ATP8A2: variants seen among roughly 807,000 people sequenced by gnomAD.
ATP8A2 encodes phospholipid-transporting ATPase IB.
Under a neutral mutation model 165.6 loss-of-function variants are expected in ATP8A2, and 100 were observed. The observed-to-expected ratio is 0.60, with a 90% CI of 0.51 to 0.71. ATP8A2 has a LOEUF of 0.71. Ranked by LOEUF, ATP8A2 falls within the 30% of genes least tolerant of loss-of-function variation. The pLI, the probability that ATP8A2 is intolerant of heterozygous loss-of-function variation, is 0.00. For synonymous variants in ATP8A2, 543 were observed against 548.8 expected, an observed-to-expected ratio of 0.99 and a Z score of 0.15; for missense variants, 1,227 against 1,479.5, an observed-to-expected ratio of 0.83 and a Z score of 2.80.
intron 28 of ATP8A2, among the ~76,000 whole-genome samples, chr13:25,830,991 C>T (rs1951449023): frequency 1.3e-5 from 2 of 151,998 alleles, no homozygotes; most frequent in South Asian, 4.2e-4. Flanking sequence ...CCAATAATGC[C>T]CTATTTAGCA....
At chr13:25,749,182 A>T (rs559520327) in intron 25 of ATP8A2, among the ~76,000 whole-genome samples, 1 of 152,180 alleles carries the variant, frequency 6.6e-6, no homozygotes, top group Non-Finnish European at 1.5e-5. Flanking sequence ...TTTGGGAGGC[A>T]CTGCAGACGC....
chr13:25,990,573 G>A (rs1956370689), intron 35 of ATP8A2, among the ~76,000 whole-genome samples: 2 of 152,312 alleles, frequency 1.3e-5, no homozygotes, highest in East Asian at 1.9e-4. Flanking sequence ...GTGGCCAGCT[G>A]GGGCAGAGGG....
intron 2 of ATP8A2, among the ~76,000 whole-genome samples, chr13:25,485,114 T>C (rs2036311496): frequency 6.6e-6 from 1 of 152,248 alleles, no homozygotes; most frequent in African/African-American, 2.4e-5. Context: ...AACTGAATAA[T>C]TTCACATAAT....
In ATP8A2 at chr13:26,021,860, T is replaced by C. The variant is rs557459365; in HGVS notation, c.*1875T>C. On this transcript the variant is annotated 3_prime_UTR_variant, in exon 37 of 37. Transcript: ENST00000381655. Reference sequence around the variant, plus strand: ...TGTGCTAAATTAGGAAATAACACTTTAGTGCACTTTGCTTCCTAACCCTTT... The same window carrying C: ...TGTGCTAAATTAGGAAATAACACTTCAGTGCACTTTGCTTCCTAACCCTTT... 5.9e-5 allele frequency: 9 copies of C among 152,324 alleles called. No individual in the cohort carries two copies. The highest frequency in any genetic ancestry group is 1.7e-4 in the African/African-American group (7 of 41,580). The allele number at this position is 152,324 out of a possible 1,614,324, so 9.4% of individuals were successfully genotyped here.
chr13:25,721,121 C>CATTATT (rs1238309360), intron 25 of ATP8A2, among the ~76,000 whole-genome samples: 1 of 150,964 alleles, frequency 6.6e-6, no homozygotes, highest in African/African-American at 2.4e-5. Context: ...ACAAATGGCT[C>CATTATT]ATTATTATTA....
intron 24 of ATP8A2, 105 bp downstream of exon 24, chr13:25,589,804 A>G (rs2040021408): frequency 4.3e-6 from 3 of 690,248 alleles, no homozygotes; most frequent in Non-Finnish European, 7.5e-6. Context: ...AAAAACAGTT[A>G]TGAAAAAACT....
At position 26,012,554 on chromosome 13, in the gene ATP8A2, T is replaced by C; in HGVS notation, c.3401T>C (p.Ile1134Thr). 1 of 1,539,036 alleles carries C rather than the reference T, an allele frequency of 6.5e-7. No homozygotes were observed. The highest frequency in any genetic ancestry group is 8.8e-7 in the Non-Finnish European group (1 of 1,141,804). ...GKRLNERDRL[I>T]KRLGRKTPPT... ...AGGCTGAACGAGCGCGACCGCCTGA[T>C]CAAGAGGCTGGGCCGGAAGACGCCC... is the stretch of plus-strand genomic sequence containing the variant. Residue 1134 changes from isoleucine to threonine, a missense_variant, in exon 36 of 37, where the codon ATC becomes ACC. By Grantham distance (89) the Ile-to-Thr change is moderately conservative. Transcript: ENST00000381655.
intron 27 of ATP8A2, among the ~76,000 whole-genome samples, chr13:25,777,926 G>C (rs2044778427): frequency 6.6e-6 from 1 of 152,200 alleles, no homozygotes; most frequent in Non-Finnish European, 1.5e-5. Context: ...CGTATTATCT[G>C]TCCTGACCTT....
At chr13:25,882,509 A>G (rs1308339968) in intron 33 of ATP8A2, among the ~76,000 whole-genome samples, 1 of 152,200 alleles carries the variant, frequency 6.6e-6, no homozygotes, top group African/African-American at 2.4e-5. Context: ...GGAAAGAGAA[A>G]ATTGAATTAT....
chr13:25,373,472 T>C (rs2032500056), intron 1 of ATP8A2, among the ~76,000 whole-genome samples: 1 of 152,140 alleles, frequency 6.6e-6, no homozygotes, highest in South Asian at 2.1e-4. Context: ...GGAAGAGCTG[T>C]GGCAGAGAGA....
rs73475527 is a variant in ATP8A2, at chr13:25,497,401, A to C, written c.221+28280A>C. Among the ~76,000 whole-genome samples the C allele has an allele frequency of 3.2e-3, 485 of 152,352 alleles. 4 individuals are homozygous for C. The highest frequency in any genetic ancestry group is 0.011 in the African/African-American group (459 of 41,582). ...AATTACTGACGATTAAGGGAAATCA[A>C]AAGTTTAATAGCTGAATGAAAATTG... On this transcript the variant is annotated intron_variant, in intron 2 of 36. Coordinates refer to ENST00000381655, the MANE Select transcript of ATP8A2 (RefSeq NM_016529.6).
chr13:25,927,012 C>T (rs563621495), intron 33 of ATP8A2: 1 of 403,242 alleles, frequency 2.5e-6, no homozygotes, highest in South Asian at 1.8e-5. Context: ...GCTGTGCCTC[C>T]CGCTCCTTCT....
At chr13:25,598,029 CTG>C (rs1565966093) in intron 24 of ATP8A2, among the ~76,000 whole-genome samples, 2 of 151,844 alleles carry the variant, frequency 1.3e-5, no homozygotes, top group African/African-American at 2.4e-5. Context: ...AAGTTTAAGT[CTG>C]TGATCCATTA....
At chr13:25,850,451 A>G (rs1273202507) in intron 30 of ATP8A2, among the ~76,000 whole-genome samples, 1 of 145,004 alleles carries the variant, frequency 6.9e-6, no homozygotes, top group African/African-American at 2.6e-5. Flanking sequence ...TTTGCCTGAA[A>G]TGTTCTTCCC....
chr13:25,465,494 A>G (rs1285884062), intron 1 of ATP8A2, among the ~76,000 whole-genome samples: 4 of 151,106 alleles, frequency 2.6e-5, no homozygotes, highest in African/African-American at 9.7e-5. Flanking sequence ...TTTCACTCCA[A>G]TATTTGTTAT....
chr13:25,392,517 A>G (rs984680825), intron 1 of ATP8A2, among the ~76,000 whole-genome samples: 2 of 152,226 alleles, frequency 1.3e-5, no homozygotes, highest in Non-Finnish European at 2.9e-5. Context: ...CACACAGTCT[A>G]AGGTGGAATG....
rs369227728 is a variant in ATP8A2 at position 25,551,333 on chromosome 13, T to G, written c.892-5T>G. On this transcript the variant is annotated splice_region_variant and splice_polypyrimidine_tract_variant and intron_variant, in intron 10 of 36. Coordinates refer to ENST00000381655, the MANE Select transcript of ATP8A2 (RefSeq NM_016529.6). Reference sequence around the variant, plus strand: ...CCCTTACTGACTTTCAATGCTGTTGTGTAGAATTCAACCAAAGCGCCTCTC... The same window carrying G: ...CCCTTACTGACTTTCAATGCTGTTGGGTAGAATTCAACCAAAGCGCCTCTC... 9.7e-5 allele frequency: 157 copies of G among 1,612,572 alleles called. 1 individual carries two copies. The African/African-American group carries it at 1.8e-3, about 18-fold the overall frequency.
At chr13:25,959,575 T>A (rs990047502) in intron 33 of ATP8A2, among the ~76,000 whole-genome samples, 1 of 152,240 alleles carries the variant, frequency 6.6e-6, no homozygotes, top group African/African-American at 2.4e-5. Context: ...CCTTCAAGTT[T>A]AATTTTGAAG....
intron 2 of ATP8A2, among the ~76,000 whole-genome samples, chr13:25,520,179 AC>A (rs1289477552): frequency 6.6e-6 from 1 of 151,946 alleles, no homozygotes; most frequent in Non-Finnish European, 1.5e-5. Flanking sequence ...CCTCCGTGCT[AC>A]CCCTCCTAGC....
Sources: allele counts gnomAD v4.1 joint callset (sites outside exome capture counted in the v4.1 genomes callset), GRCh38; gene constraint gnomAD v4.1.1; transcripts MANE v1.5; gene names NCBI Gene and HGNC (gene_info 2026-07-23, HGNC 2026-07-21).